CCDC60: variants seen among roughly 807,000 people sequenced by gnomAD.
CCDC60 encodes the protein coiled-coil domain-containing protein 60.
CCDC60 carries 54 observed loss-of-function variants against 63.5 expected under a neutral mutation model. The ratio of observed to expected loss-of-function variants is 0.85; its 90% CI spans 0.68 to 1.07. CCDC60 has a LOEUF of 1.07. Among genes scored for constraint, CCDC60 ranks in the 50% least tolerant of loss-of-function variants. The pLI, the probability that CCDC60 is intolerant of heterozygous loss-of-function variation, is 0.00. For missense variants in CCDC60, 651 were observed against 684.3 expected (o/e 0.95, Z 0.54); for synonymous variants, 206 against 238.8 (o/e 0.86, Z 1.27).
At chr12:119,356,879 C>T (rs1023767545) in intron 1 of CCDC60, among the ~76,000 whole-genome samples, 5 of 152,084 alleles carry the variant, frequency 3.3e-5, no homozygotes, top group Non-Finnish European at 7.4e-5. Flanking sequence ...TTATTCTCAC[C>T]CAAATGCTTT....
intron 1 of CCDC60, among the ~76,000 whole-genome samples, chr12:119,390,390 ATGTT>A (rs1475121507): frequency 6.6e-6 from 1 of 152,192 alleles, no homozygotes; most frequent in Non-Finnish European, 1.5e-5. Context: ...AACTAAATAA[ATGTT>A]TGTTTAATGT....
Position 119,387,034 on chromosome 12 carries a change from T to TCTCACACACACACACACACACACA in CCDC60, c.91-41648_91-41647insTCACACACACACACACACACACAC, listed in dbSNP as rs543330015. Among the ~76,000 whole-genome samples, 3 of 105,404 alleles carry TCTCACACACACACACACACACACA rather than the reference T, an allele frequency of 2.8e-5. No individual in the cohort carries two copies. The East Asian group carries it at 1.2e-3, about 41-fold the overall frequency. The allele number at this position is 105,404 out of a possible 152,430, so 69.1% of individuals were successfully genotyped here. On this transcript the variant is annotated intron_variant, in intron 1 of 13. Transcript: ENST00000327554. ...CTCCCTCCCTCCCCCTCTGTCTCTC[T>TCTCACACACACACACACACACACA]CACACACACACACACACACACACAC...
intron 1 of CCDC60, among the ~76,000 whole-genome samples, chr12:119,355,532 G>A (rs1382437258): frequency 2.0e-5 from 3 of 152,212 alleles, no homozygotes; most frequent in African/African-American, 7.2e-5. Flanking sequence ...ATGTACTGAC[G>A]CAGGGCAGAC....
intron 1 of CCDC60, among the ~76,000 whole-genome samples, chr12:119,394,804 G>T (rs541745451): frequency 2.6e-5 from 4 of 152,318 alleles, no homozygotes; most frequent in Non-Finnish European, 4.4e-5. Flanking sequence ...GGTCAGCTCT[G>T]ATCTCAGGAT....
At position 119,531,005 on chromosome 12, in the gene CCDC60, T is replaced by C. The variant is rs759396492; in HGVS notation, c.1493T>C (p.Val498Ala). The C allele has an allele frequency of 6.2e-7, 1 of 1,613,972 alleles. No homozygotes were observed. Among genetic ancestry groups the C allele is most frequent in the African/African-American group, 1.3e-5 (1 of 74,936 alleles). The change falls in exon 13 of 14, where the codon GTG becomes GCG. Residue 498 changes from valine to alanine, a missense_variant. By Grantham distance (64) the Val-to-Ala change is moderately conservative. Coordinates refer to ENST00000327554, the MANE Select transcript of CCDC60 (RefSeq NM_178499.5). ...LRIRPHVLLK[V>A]LQDLRIWELC... ...ATTCGACCCCATGTCCTCCTGAAGG[T>C]GCTGCAGGATCTGAGGATTTGGGAA...
rs145014443 is a variant in CCDC60, at chr12:119,540,675, G to A, written c.1613G>A (p.Arg538Gln). Residue 538 changes from arginine (R) to glutamine (Q), a missense_variant, in exon 14 of 14, where the codon CGG (arginine) becomes CAG (glutamine). Coordinates refer to ENST00000327554, the MANE Select transcript of CCDC60 (RefSeq NM_178499.5). ...QEDYISWLQS[R>Q]INIPIGPYSA... is the part of the protein sequence containing the mutation. Reference sequence around the variant, plus strand: ...GATTACATCAGCTGGCTGCAGAGCCGGATCAACATACCCATTGGGCCCTAC... The same window carrying A: ...GATTACATCAGCTGGCTGCAGAGCCAGATCAACATACCCATTGGGCCCTAC... The A allele has an allele frequency of 4.5e-5, 73 of 1,613,804 alleles. No homozygotes were observed. The highest frequency in any genetic ancestry group is 2.9e-4 in the African/African-American group (22 of 74,924).
intron 1 of CCDC60, among the ~76,000 whole-genome samples, chr12:119,399,170 C>T (rs1343293800): frequency 6.6e-6 from 1 of 152,156 alleles, no homozygotes; most frequent in Non-Finnish European, 1.5e-5. Flanking sequence ...TTATCTTGAT[C>T]CTAAGGAAGA....
intron 1 of CCDC60, among the ~76,000 whole-genome samples, chr12:119,424,075 C>T (rs1399143434): frequency 1.3e-5 from 2 of 152,112 alleles, no homozygotes; most frequent in Admixed American, 1.3e-4. Context: ...GCCTATAATT[C>T]AAATGCCCTG....
At chr12:119,462,761 T>G (rs1466461857) in intron 2 of CCDC60, among the ~76,000 whole-genome samples, 3 of 152,086 alleles carry the variant, frequency 2.0e-5, no homozygotes, top group Admixed American at 6.6e-5. Context: ...GCTGGGACCA[T>G]TGGCATATGC....
At chr12:119,466,578 T>C (rs1950957054) in intron 2 of CCDC60, among the ~76,000 whole-genome samples, 1 of 152,204 alleles carries the variant, frequency 6.6e-6, no homozygotes, top group South Asian at 2.1e-4. Context: ...TTCTGCCCTA[T>C]ATCTGGGCAA....
Position 119,389,597 on chromosome 12 carries a change from C to T in CCDC60, c.91-39086C>T, listed in dbSNP as rs557184932. Among the ~76,000 whole-genome samples the T allele has an allele frequency of 1.1e-4, 16 of 152,198 alleles. No homozygotes were observed. In the East Asian group the frequency reaches 1.9e-3, roughly 18 times the overall value. On this transcript the variant is annotated intron_variant, in intron 1 of 13. Transcript: ENST00000327554. Reference sequence around the variant, plus strand: ...GTTTCCCAGGATCACCTCCCAAATACACTACTTGTGCTCACAAAGCTGTAA... The same window carrying T: ...GTTTCCCAGGATCACCTCCCAAATATACTACTTGTGCTCACAAAGCTGTAA...
chr12:119,484,667 C>A lies in CCDC60; in HGVS notation c.450-4092C>A, dbSNP rs751218591. Among the ~76,000 whole-genome samples the A allele has an allele frequency of 3.0e-4, 45 of 152,026 alleles. 1 individual carries two copies. The highest frequency in any genetic ancestry group is 5.0e-4 in the Non-Finnish European group (34 of 67,996). On this transcript the variant is annotated intron_variant, in intron 4 of 13. Transcript: ENST00000327554. ...GGCAGAGGCTGCAGTGTGCCAAAAT[C>A]ACGCCACCGCACTCCATCCTGGGCA...
chr12:119,428,377 C>T (rs868826203), intron 1 of CCDC60, among the ~76,000 whole-genome samples: 1 of 152,174 alleles, frequency 6.6e-6, no homozygotes, highest in Non-Finnish European at 1.5e-5. Context: ...AGTGATTCCC[C>T]ATTCTACTGA....
chr12:119,528,441 G>A (rs1443176129), intron 11 of CCDC60, among the ~76,000 whole-genome samples, 174 bp from the exon 12 acceptor site: 1 of 152,182 alleles, frequency 6.6e-6, no homozygotes, highest in Non-Finnish European at 1.5e-5. Flanking sequence ...GGACCTTGGA[G>A]AGAGCTGTAT....
intron 1 of CCDC60, among the ~76,000 whole-genome samples, chr12:119,352,055 C>T (rs1173994410): frequency 6.6e-6 from 1 of 152,162 alleles, no homozygotes; most frequent in African/African-American, 2.4e-5. Context: ...GTTGGGGAGG[C>T]CTCAGGAAAC....
chr12:119,348,939 T>A (rs1955625541), intron 1 of CCDC60, among the ~76,000 whole-genome samples: 1 of 152,198 alleles, frequency 6.6e-6, no homozygotes, highest in African/African-American at 2.4e-5. Flanking sequence ...AAGTAACTCA[T>A]GTTATTGGCT....
intron 1 of CCDC60, among the ~76,000 whole-genome samples, chr12:119,401,190 T>C (rs1956385932): frequency 6.6e-6 from 1 of 152,228 alleles, no homozygotes; most frequent in Admixed American, 6.5e-5. Context: ...CAGGTCCGTG[T>C]GATGTCAAGT....
chr12:119,491,633 C>A (rs1951587744), intron 5 of CCDC60, among the ~76,000 whole-genome samples: 1 of 152,132 alleles, frequency 6.6e-6, no homozygotes, highest in Non-Finnish European at 1.5e-5. Flanking sequence ...CGGCCCCTTA[C>A]ACATATCTTT....
rs561953974 is a variant in CCDC60 at position 119,501,500 on chromosome 12, G to T, written c.648+1332G>T. ...TTTATTAAACATATAAACATCAATA[G>T]GTTTATTAAACATATAAACATCCAA... On this transcript the variant is annotated intron_variant, in intron 6 of 13. Coordinates refer to ENST00000327554, the MANE Select transcript of CCDC60 (RefSeq NM_178499.5). Among the ~76,000 whole-genome samples, 16 of 152,050 alleles carry T rather than the reference G, an allele frequency of 1.1e-4. No individual in the cohort carries two copies. In the East Asian group the frequency reaches 3.1e-3, roughly 29 times the overall value.
Sources: gnomAD v4.1 joint callset for allele counts (sites outside exome capture counted in the v4.1 genomes callset) on GRCh38, gnomAD v4.1.1 for gene constraint, MANE v1.5 for transcripts, NCBI Gene and HGNC (gene_info 2026-07-23, HGNC 2026-07-21) for gene names.